The following RSL1D1 variants were observed in gnomAD, a reference collection of about 807,000 sequenced individuals.
RSL1D1 encodes ribosomal L1 domain-containing protein 1.
RSL1D1 carries 34 observed loss-of-function variants against 44.6 expected under a neutral mutation model. That is an observed-to-expected ratio of 0.76 (90% confidence interval 0.58 to 1.02). The LOEUF (loss-of-function observed/expected upper bound fraction) is 1.02. Among genes scored for constraint, RSL1D1 ranks in the 50% least tolerant of loss-of-function variants. The pLI is 0.00. For missense variants in RSL1D1, 767 were observed against 568.1 expected, an observed-to-expected ratio of 1.35 and a Z score of -3.56; for synonymous variants, 271 against 207.4, an observed-to-expected ratio of 1.31 and a Z score of -2.63.
chr16:11,848,576 G>C (rs2053814818), intron 2 of RSL1D1, among the ~76,000 whole-genome samples: 1 of 152,156 alleles, frequency 6.6e-6, no homozygotes, highest in South Asian at 2.1e-4. Context: ...CAAGGCTGCA[G>C]TGCAGTGGTG....
chr16:11,843,899 T>C, intron 5 of RSL1D1, among the ~76,000 whole-genome samples: 1 of 93,450 alleles, frequency 1.1e-5, no homozygotes, highest in African/African-American at 4.0e-5. Flanking sequence ...AAAAAAAGAG[T>C]AAATAGTTCT....
In RSL1D1 at chr16:11,846,484, G is replaced by T; in HGVS notation, c.635+17C>A. 1 of 1,210,616 alleles carries T rather than the reference G, an allele frequency of 8.3e-7. No individual in the cohort carries two copies. Among genetic ancestry groups the T allele is most frequent in the Non-Finnish European group, 1.2e-6 (1 of 836,500 alleles). The allele number at this position is 1,210,616 out of a possible 1,614,324, so 75.0% of individuals were successfully genotyped here. ...ATACAAGATTAAAAGAGGCACACAT[G>T]AATGCCTTTTACCTACCTGCAAGAA... On this transcript the variant is annotated intron_variant, in intron 5 of 8. Transcript: ENST00000571133.
At position 11,835,892 on chromosome 16, in the gene RSL1D1, A is replaced by C. The variant is rs534176849; in HGVS notation, c.*1895T>G. 1 of 152,240 alleles carries C rather than the reference A, an allele frequency of 6.6e-6. No individual in the cohort carries two copies. The highest frequency in any genetic ancestry group is 2.1e-4 in the South Asian group (1 of 4,822). 9.4% of individuals were successfully genotyped at this position (152,240 alleles called of 1,614,324 possible). A position where few individuals can be genotyped will look rare whatever the true frequency, so the allele number is the denominator to read the frequency against. On this transcript the variant is annotated 3_prime_UTR_variant, in exon 9 of 9. Coordinates refer to ENST00000571133, the MANE Select transcript of RSL1D1 (RefSeq NM_015659.3). ...CTTTGGAACACCAAGCTCTGTGCTA[A>C]AGGGTGGAAGGCTGCCCTGACGCAC... is the stretch of plus-strand genomic sequence containing the variant.
chr16:11,849,896 G>C (rs1198226001), intron 2 of RSL1D1, among the ~76,000 whole-genome samples: 1 of 151,904 alleles, frequency 6.6e-6, no homozygotes, highest in African/African-American at 2.4e-5. Flanking sequence ...CTGTCGCCTA[G>C]GCTGGAGTGC....
rs769085403 is a variant in RSL1D1 at position 11,850,400 on chromosome 16, C to T, written c.124G>A (p.Ala42Thr). ...CTGGACTTGCAATGCGTCAAGAGAG[C>T]GTCCACTGCCTTTCTAACCTGCAAA... is the stretch of plus-strand genomic sequence containing the variant. ...DKEQVRKAVD[A>T]LLTHCKSRKN... The change falls in exon 2 of 9, where the codon GCT becomes ACT. Residue 42 changes from alanine (A) to threonine (T), a missense_variant. Coordinates refer to ENST00000571133, the MANE Select transcript of RSL1D1 (RefSeq NM_015659.3). 1.9e-6 allele frequency: 3 copies of T among 1,595,516 alleles called. No individual in the cohort carries two copies. The highest frequency in any genetic ancestry group is 2.7e-5 in the African/African-American group (2 of 73,692).
Position 11,841,962 on chromosome 16 carries a change from T to G in RSL1D1, c.674A>C (p.His225Pro). ...GACAGCAACAATGTTTTCAATGATG[T>G]GCTCAATTTGCATTCCAACGTGACC... ...RIGHVGMQIE[H>P]IIENIVAVTK... The change falls in exon 6 of 9, where the codon CAC (histidine) becomes CCC (proline). Residue 225 changes from histidine (H) to proline (P), a missense_variant. Coordinates refer to ENST00000571133, the MANE Select transcript of RSL1D1 (RefSeq NM_015659.3). 6.2e-7 allele frequency: 1 copy of G among 1,613,992 alleles called. No homozygotes were observed. The highest frequency in any genetic ancestry group is 8.5e-7 in the Non-Finnish European group (1 of 1,179,970).
Position 11,839,884 on chromosome 16 carries a change from A to AT in RSL1D1, c.956dup (p.Asp319GlufsTer2), listed in dbSNP as rs1295055989. The AT allele has an allele frequency of 6.2e-7, 1 of 1,614,046 alleles. No homozygotes were observed. ...TATCACCACTTTCAGGTGCCACATC[A>AT]TCTTTACTAAGAACTGATGCAGTCT... On this transcript the variant is annotated frameshift_variant, in exon 8 of 9. Coordinates refer to ENST00000571133, the MANE Select transcript of RSL1D1 (RefSeq NM_015659.3). LOFTEE classifies it high-confidence loss of function.
At position 11,846,708 on chromosome 16, in the gene RSL1D1, A is replaced by G. The variant is rs779759579; in HGVS notation, c.520T>C (p.Tyr174His). The G allele has an allele frequency of 6.2e-7, 1 of 1,613,980 alleles. No individual in the cohort carries two copies. The highest frequency in any genetic ancestry group is 1.1e-5 in the South Asian group (1 of 91,062). ...LLPSLIGRHF[Y>H]QRKKVPVSVN... is the part of the protein sequence containing the mutation. ...TAAGAAACTTACTTCTTTCTTTGAT[A>G]GAAATGTCTCCCAATGAGTGAGGGT... The change falls in exon 4 of 9, where the codon TAT (tyrosine) becomes CAT (histidine). Residue 174 changes from tyrosine to histidine, a missense_variant. Physicochemically the swap from Tyr to His is moderately conservative, Grantham distance 83. Coordinates refer to ENST00000571133, the MANE Select transcript of RSL1D1 (RefSeq NM_015659.3).
In RSL1D1 at chr16:11,834,122, T is replaced by G. The variant is rs1217354912; in HGVS notation, c.*3665A>C. The G allele has an allele frequency of 6.6e-6, 1 of 152,182 alleles. No homozygotes were observed. Among genetic ancestry groups the G allele is most frequent in the Non-Finnish European group, 1.5e-5 (1 of 68,036 alleles). 9.4% of individuals were successfully genotyped at this position (152,182 alleles called of 1,614,324 possible). Reference sequence around the variant, plus strand: ...CCCGGGGGAGACTACTGTTGGCTCCTAGCACTATCAGCTGGCTAGGAATGT... The same window carrying G: ...CCCGGGGGAGACTACTGTTGGCTCCGAGCACTATCAGCTGGCTAGGAATGT... On this transcript the variant is annotated 3_prime_UTR_variant, in exon 9 of 9. Coordinates refer to ENST00000571133, the MANE Select transcript of RSL1D1 (RefSeq NM_015659.3).
chr16:11,848,360 ATACT>A (rs1297966620), intron 2 of RSL1D1, among the ~76,000 whole-genome samples: 1 of 152,222 alleles, frequency 6.6e-6, no homozygotes, highest in African/African-American at 2.4e-5. Flanking sequence ...GAATTAAAAT[ATACT>A]TAAAGACTTC....
Position 11,837,127 on chromosome 16 carries a change from C to T in RSL1D1, c.*660G>A, listed in dbSNP as rs1168796281. On this transcript the variant is annotated 3_prime_UTR_variant, in exon 9 of 9. Coordinates refer to ENST00000571133, the MANE Select transcript of RSL1D1 (RefSeq NM_015659.3). ...GAGCTGGGAGCACAGATGCATGCCACCATGCCACACTAATTTTTTTTTTTC... is the reference window on the plus strand; with the variant it reads ...GAGCTGGGAGCACAGATGCATGCCATCATGCCACACTAATTTTTTTTTTTC... The T allele has an allele frequency of 6.6e-6, 1 of 152,082 alleles. No homozygotes were observed. Among genetic ancestry groups the T allele is most frequent in the Non-Finnish European group, 1.5e-5 (1 of 68,070 alleles). 9.4% of individuals were successfully genotyped at this position (152,082 alleles called of 1,614,324 possible).
Position 11,835,412 on chromosome 16 carries a change from G to C in RSL1D1, c.*2375C>G, listed in dbSNP as rs576929437. 1 of 152,210 alleles carries C rather than the reference G, an allele frequency of 6.6e-6. No homozygotes were observed. Among genetic ancestry groups the C allele is most frequent in the East Asian group, 1.9e-4 (1 of 5,162 alleles). 9.4% of individuals were successfully genotyped at this position (152,210 alleles called of 1,614,324 possible). A position where few individuals can be genotyped will look rare whatever the true frequency, so the allele number is the denominator to read the frequency against. On this transcript the variant is annotated 3_prime_UTR_variant, in exon 9 of 9. Coordinates refer to ENST00000571133, the MANE Select transcript of RSL1D1 (RefSeq NM_015659.3). ...AGCCAGGCTGGTCTCAGAACTCCTG[G>C]CCTCAAGTGATCTGCCAGCCTTGGC...
chr16:11,843,071 G>A (rs996103452), intron 5 of RSL1D1, among the ~76,000 whole-genome samples: 2 of 150,510 alleles, frequency 1.3e-5, no homozygotes, highest in East Asian at 3.9e-4. Context: ...ACAGGAATGC[G>A]CCACCACGCC....
At chr16:11,848,644 G>A (rs1279717296) in intron 2 of RSL1D1, among the ~76,000 whole-genome samples, 2 of 152,082 alleles carry the variant, frequency 1.3e-5, no homozygotes, top group Non-Finnish European at 2.9e-5. Flanking sequence ...GTACCAGTTG[G>A]GTGTAGGCCC....
intron 5 of RSL1D1, among the ~76,000 whole-genome samples, chr16:11,843,785 G>C (rs910908788): frequency 6.7e-6 from 1 of 149,112 alleles, no homozygotes; most frequent in Non-Finnish European, 1.5e-5. Flanking sequence ...GCAGAAGAAT[G>C]GTGTGAACCC....
Position 11,850,371 on chromosome 16 carries a change from T to G in RSL1D1, c.153A>C (p.Lys51Asn), listed in dbSNP as rs1212617286. 2.1e-5 allele frequency: 34 copies of G among 1,601,192 alleles called. No individual in the cohort carries two copies. The East Asian group carries it at 7.6e-4, about 36-fold the overall frequency. ...DALLTHCKSR[K>N]NNYGLLLNEN... is the part of the protein sequence containing the mutation. ...CATTCAAAAGCAACCCATAATTGTT[T>G]TTCCTGGACTTGCAATGCGTCAAGA... Residue 51 changes from lysine (K) to asparagine (N), a missense_variant, in exon 2 of 9, where the codon AAA (lysine) becomes AAC (asparagine). Coordinates refer to ENST00000571133, the MANE Select transcript of RSL1D1 (RefSeq NM_015659.3).
rs1023574713 is a variant in RSL1D1, at chr16:11,836,458, A to G, written c.*1329T>C. 1 of 152,334 alleles carries G rather than the reference A, an allele frequency of 6.6e-6. No homozygotes were observed. Among genetic ancestry groups the G allele is most frequent in the East Asian group, 1.9e-4 (1 of 5,190 alleles). 9.4% of individuals were successfully genotyped at this position (152,334 alleles called of 1,614,324 possible). A position where few individuals can be genotyped will look rare whatever the true frequency, so the allele number is the denominator to read the frequency against. ...AACTTACTACTACGGATGCATACCA[A>G]TTCACAACCAGTGAAAGGCCACGTA... On this transcript the variant is annotated 3_prime_UTR_variant, in exon 9 of 9. Coordinates refer to ENST00000571133, the MANE Select transcript of RSL1D1 (RefSeq NM_015659.3).
Position 11,839,758 on chromosome 16 carries a change from G to T in RSL1D1, c.1083C>A (p.Ser361=). 6.2e-7 allele frequency: 1 copy of T among 1,613,954 alleles called. No individual in the cohort carries two copies. Among genetic ancestry groups the T allele is most frequent in the Non-Finnish European group, 8.5e-7 (1 of 1,180,002 alleles). ...GKAQVKATNE[S]EDEIPQLVPI... is the part of the protein sequence containing the mutation. The stretch of plus-strand genomic sequence containing the variant: ...GTACCAGCTGTGGGATTTCGTCTTC[G>T]GATTCATTTGTTGCTTTAACTTGGG... The change falls in exon 8 of 9, where the codon TCC becomes TCA. Residue 361 remains serine, a synonymous_variant. Coordinates refer to ENST00000571133, the MANE Select transcript of RSL1D1 (RefSeq NM_015659.3).
chr16:11,837,662 T>C lies in RSL1D1; in HGVS notation c.*125A>G. ...ACCGCCCCTGGACTACTTATGGAGGTTTTAAAAAATCTTTTAAGTCCAGGC... is the reference window on the plus strand; with the variant it reads ...ACCGCCCCTGGACTACTTATGGAGGCTTTAAAAAATCTTTTAAGTCCAGGC... On this transcript the variant is annotated 3_prime_UTR_variant, in exon 9 of 9. Coordinates refer to ENST00000571133, the MANE Select transcript of RSL1D1 (RefSeq NM_015659.3). 2 of 937,498 alleles carry C rather than the reference T, an allele frequency of 2.1e-6. No individual in the cohort carries two copies. The highest frequency in any genetic ancestry group is 2.4e-5 in the East Asian group (1 of 41,270). 58.1% of individuals were successfully genotyped at this position (937,498 alleles called of 1,614,324 possible).
Sources: allele counts gnomAD v4.1 joint callset (sites outside exome capture counted in the v4.1 genomes callset), GRCh38; gene constraint gnomAD v4.1.1; transcripts MANE v1.5; gene names NCBI Gene and HGNC (gene_info 2026-07-23, HGNC 2026-07-21).